The following SH3PXD2A variants were observed in gnomAD, a reference collection of about 807,000 sequenced individuals.
SH3PXD2A encodes SH3 and PX domain-containing protein 2A.
Under a neutral mutation model 115.2 loss-of-function variants are expected in SH3PXD2A, and 32 were observed. The ratio of observed to expected loss-of-function variants is 0.28; its 90% CI spans 0.21 to 0.37. SH3PXD2A has a LOEUF of 0.37. Among genes scored for constraint, SH3PXD2A ranks in the 10% least tolerant of loss-of-function variants. The pLI is 1.00. For missense variants in SH3PXD2A, 1,328 were observed against 1,498.7 expected (o/e 0.89, Z 1.88); for synonymous variants, 610 against 629.1 (o/e 0.97, Z 0.45).
At chr10:103,846,261 A>T (rs1266429688) in intron 1 of SH3PXD2A, among the ~76,000 whole-genome samples, 1 of 152,228 alleles carries the variant, frequency 6.6e-6, no homozygotes, top group Non-Finnish European at 1.5e-5. Context: ...CCCTTTGCTA[A>T]CTCAGCCACT....
chr10:103,775,064 GGAGA>G (rs1322901509), intron 2 of SH3PXD2A, among the ~76,000 whole-genome samples: 2 of 152,130 alleles, frequency 1.3e-5, no homozygotes, highest in African/African-American at 4.8e-5. Context: ...GAGAGCGAGA[GGAGA>G]GAGAGAGGAC....
At chr10:103,797,995 C>G (rs79494108) in intron 2 of SH3PXD2A, among the ~76,000 whole-genome samples, 3,348 of 152,182 alleles carry the variant, frequency 0.022, 120 homozygotes, top group African/African-American at 0.076. Flanking sequence ...AGAGGGTCAG[C>G]GACCGCTTGG....
intron 2 of SH3PXD2A, among the ~76,000 whole-genome samples, chr10:103,767,827 T>TTG (rs2038776036): frequency 6.7e-6 from 1 of 149,494 alleles, no homozygotes. Flanking sequence ...TTTTTTTTTT[T>TTG]TTTTTTTGCT....
In SH3PXD2A at chr10:103,806,093, C is replaced by A. The variant is rs149908068; in HGVS notation, c.73-4731G>T. 9.9e-3 allele frequency among the ~76,000 whole-genome samples: 1,512 copies of A among 152,274 alleles called. 27 individuals are homozygous for A. Among genetic ancestry groups the A allele is most frequent in the African/African-American group, 0.034 (1,403 of 41,532 alleles). On this transcript the variant is annotated intron_variant, in intron 1 of 14. Transcript: ENST00000369774. ...GGATTGTTCCTGCTAACATCTTGCACCCTACTTTCTATGCCCTGAGCAGCC... is the reference window on the plus strand; with the variant it reads ...GGATTGTTCCTGCTAACATCTTGCAACCTACTTTCTATGCCCTGAGCAGCC...
intron 5 of SH3PXD2A, among the ~76,000 whole-genome samples, chr10:103,697,400 C>T (rs2037837756): frequency 6.6e-6 from 1 of 152,208 alleles, no homozygotes; most frequent in South Asian, 2.1e-4. Flanking sequence ...CTGGGTCCTA[C>T]AGAGCCCCTG....
intron 1 of SH3PXD2A, among the ~76,000 whole-genome samples, chr10:103,812,916 G>A (rs77089880): frequency 0.038 from 5,766 of 152,186 alleles, 363 homozygotes; most frequent in African/African-American, 0.13. Context: ...CAATTTGACC[G>A]CTAAGAATTT....
intron 2 of SH3PXD2A, among the ~76,000 whole-genome samples, chr10:103,799,558 G>A (rs1343593408): frequency 1.3e-5 from 2 of 152,252 alleles, no homozygotes; most frequent in Non-Finnish European, 2.9e-5. Flanking sequence ...AGGCAAGGGA[G>A]GTGGTGGTGG....
At chr10:103,657,626 C>A (rs1245625318) in intron 8 of SH3PXD2A, among the ~76,000 whole-genome samples, 1 of 152,218 alleles carries the variant, frequency 6.6e-6, no homozygotes, top group African/African-American at 2.4e-5. Flanking sequence ...ACTGGTTGAT[C>A]ACAAATGCTT....
In SH3PXD2A at chr10:103,626,625, AG is replaced by A. The variant is rs1183480933; in HGVS notation, c.718+463del. Among the ~76,000 whole-genome samples, 4 of 150,862 alleles carry A rather than the reference AG, an allele frequency of 2.7e-5. No homozygotes were observed. The East Asian group carries it at 5.8e-4, about 22-fold the overall frequency. ...TGGAATTAAAAAAAAAAAAAGAAAA[AG>A]AAAAAAAAAAAAAGGAAGGGCTGGG... On this transcript the variant is annotated intron_variant, in intron 9 of 14. Coordinates refer to ENST00000369774, the MANE Select transcript of SH3PXD2A (RefSeq NM_001394015.1).
chr10:103,628,091 C>T (rs1294300271), intron 8 of SH3PXD2A, among the ~76,000 whole-genome samples: 2 of 152,222 alleles, frequency 1.3e-5, no homozygotes, highest in Non-Finnish European at 2.9e-5. Context: ...ATCTAGAAGG[C>T]ACGTTGGTGG....
intron 1 of SH3PXD2A, 133 bp from the exon 2 acceptor site, chr10:103,801,495 C>CT: frequency 1.7e-6 from 1 of 597,584 alleles, no homozygotes; most frequent in South Asian, 1.8e-5. Flanking sequence ...TCCCTAGGGG[C>CT]TAGCACAGTA....
In SH3PXD2A at chr10:103,595,936, C is replaced by T. The variant is rs1436198254; in HGVS notation, c.*5880G>A. ...TCCCCAAAGCTGTGGGTCACTGATCCTGTCTTCTCACTGGCTCTGATCATG... is the reference window on the plus strand; with the variant it reads ...TCCCCAAAGCTGTGGGTCACTGATCTTGTCTTCTCACTGGCTCTGATCATG... On this transcript the variant is annotated 3_prime_UTR_variant, in exon 15 of 15. Transcript: ENST00000369774. 7 of 152,626 alleles carry T rather than the reference C, an allele frequency of 4.6e-5. No individual in the cohort carries two copies. Among genetic ancestry groups the T allele is most frequent in the African/African-American group, 1.2e-4 (5 of 41,442 alleles). 9.5% of individuals were successfully genotyped at this position (152,626 alleles called of 1,614,324 possible). A position where few individuals can be genotyped will look rare whatever the true frequency, so the allele number is the denominator to read the frequency against.
chr10:103,637,174 G>A (rs895124308), intron 8 of SH3PXD2A, among the ~76,000 whole-genome samples: 2 of 152,226 alleles, frequency 1.3e-5, no homozygotes, highest in Non-Finnish European at 2.9e-5. Context: ...TGGCACACGC[G>A]GGGTTCGATT....
chr10:103,824,478 C>A (rs1443472074), intron 1 of SH3PXD2A, among the ~76,000 whole-genome samples: 3 of 152,208 alleles, frequency 2.0e-5, no homozygotes, highest in African/African-American at 7.2e-5. Context: ...CCTCTGAGAA[C>A]ATTTTCCTTA....
rs527935453 is a variant in SH3PXD2A, at chr10:103,816,496, G to A, written c.73-15134C>T. On this transcript the variant is annotated intron_variant, in intron 1 of 14. Transcript: ENST00000369774. ...CACTGGGATGGCTATAATCAAACTC[G>A]CAGATAATAAGTGATGGTGAGGATG... 8.5e-5 allele frequency among the ~76,000 whole-genome samples: 13 copies of A among 152,208 alleles called. No individual in the cohort carries two copies. The East Asian group carries it at 1.9e-3, about 23-fold the overall frequency.
At chr10:103,611,814 T>G (rs981957643) in intron 12 of SH3PXD2A, among the ~76,000 whole-genome samples, 184 bp from the exon 13 acceptor site, 4 of 152,242 alleles carry the variant, frequency 2.6e-5, no homozygotes, top group Non-Finnish European at 5.9e-5. Flanking sequence ...AAGGGGAAAC[T>G]ATAGACCTTT....
intron 8 of SH3PXD2A, among the ~76,000 whole-genome samples, chr10:103,643,573 G>A (rs1172572706): frequency 6.6e-6 from 1 of 152,180 alleles, no homozygotes; most frequent in Non-Finnish European, 1.5e-5. Context: ...CTAAGCCTGG[G>A]TCAGATTTGC....
intron 3 of SH3PXD2A, chr10:103,754,351 G>A (rs546007645): frequency 3.3e-5 from 5 of 152,228 alleles, no homozygotes; most frequent in African/African-American, 1.2e-4. Context: ...GTACAGGAGT[G>A]TGCCACCATG....
At chr10:103,764,570 C>T (rs573361468) in intron 3 of SH3PXD2A, among the ~76,000 whole-genome samples, 14 of 152,240 alleles carry the variant, frequency 9.2e-5, no homozygotes, top group East Asian at 1.9e-4. Context: ...CAGTAGGTGA[C>T]GGTGGTGTGG....
Sources: gnomAD v4.1 joint callset for allele counts (sites outside exome capture counted in the v4.1 genomes callset) on GRCh38, gnomAD v4.1.1 for gene constraint, MANE v1.5 for transcripts, NCBI Gene and HGNC (gene_info 2026-07-23, HGNC 2026-07-21) for gene names.